RANBP2: variants seen among roughly 807,000 people sequenced by gnomAD.
RANBP2 encodes E3 SUMO-protein ligase RanBP2.
A neutral mutation model predicts 303.6 loss-of-function variants in RANBP2; 57 were observed. The ratio of observed to expected loss-of-function variants is 0.19; its 90% CI spans 0.15 to 0.23. RANBP2 has a LOEUF of 0.23. Among genes scored for constraint, RANBP2 ranks in the 10% least tolerant of loss-of-function variants. The probability of loss-of-function intolerance (pLI) is 1.00; values close to 1 mark genes in which losing one functional copy is unlikely to be tolerated. For missense variants in RANBP2, 3,138 were observed against 3,780.8 expected (o/e 0.83, Z 4.46); for synonymous variants, 1,167 against 1,301.5 (o/e 0.90, Z 2.23).
the RANBP2 span, among the ~76,000 whole-genome samples, chr2:109,744,009 T>C: frequency 9.9e-6 from 1 of 101,134 alleles, no homozygotes; most frequent in Non-Finnish European, 2.6e-5. Flanking sequence ...CCATGTATTC[T>C]TTATCAAATC....
the RANBP2 span, chr2:108,794,590 A>C: frequency 6.2e-7 from 1 of 1,613,992 alleles, no homozygotes; most frequent in African/African-American, 1.3e-5. Flanking sequence ...TGAGTGTTGT[A>C]GTGATGCAGG....
chr2:109,143,327 C>T, the RANBP2 span, among the ~76,000 whole-genome samples: 9 of 152,108 alleles, frequency 5.9e-5, no homozygotes, highest in Non-Finnish European at 8.8e-5. Context: ...TAAAAAATGC[C>T]TTAAGTTGAA....
the RANBP2 span, among the ~76,000 whole-genome samples, chr2:109,589,447 G>A: frequency 3.9e-5 from 6 of 152,050 alleles, no homozygotes; most frequent in East Asian, 1.9e-4. Flanking sequence ...CATGAGAACC[G>A]CTTGAACCTG....
intron 1 of RANBP2, among the ~76,000 whole-genome samples, chr2:108,721,321 C>G (rs968599733): frequency 6.6e-6 from 1 of 152,122 alleles, no homozygotes; most frequent in Non-Finnish European, 1.5e-5. Context: ...GGATAGATAT[C>G]TACTTGTACA....
chr2:109,006,116 A>T, the RANBP2 span, among the ~76,000 whole-genome samples: 2 of 152,050 alleles, frequency 1.3e-5, no homozygotes, highest in African/African-American at 4.8e-5. Flanking sequence ...GTTGCGGGGG[A>T]ACAATGTGAA....
rs1676009644 is a variant in RANBP2 at position 108,752,854 on chromosome 2, G to A, written c.1756-144G>A. 8 of 1,527,494 alleles carry A rather than the reference G, an allele frequency of 5.2e-6. No individual in the cohort carries two copies. The South Asian group carries it at 8.3e-5, about 16-fold the overall frequency. The allele number at this position is 1,527,494 out of a possible 1,614,324, so 94.6% of individuals were successfully genotyped here. A position where few individuals can be genotyped will look rare whatever the true frequency, so the allele number is the denominator to read the frequency against. On this transcript the variant is annotated intron_variant, in intron 12 of 28. Coordinates refer to ENST00000283195, the MANE Select transcript of RANBP2 (RefSeq NM_006267.5). ...GTGTTAAGGTGGTTTAGTTATTACA[G>A]TATTTGGAAGTTGAACAAATGACTA...
the RANBP2 span, among the ~76,000 whole-genome samples, chr2:109,283,753 G>A: frequency 2.6e-5 from 4 of 152,212 alleles, no homozygotes; most frequent in African/African-American, 4.8e-5. Flanking sequence ...GAGGTGCTAC[G>A]TGCTGGATTT....
the RANBP2 span, among the ~76,000 whole-genome samples, chr2:109,382,465 G>A: frequency 9.2e-5 from 14 of 152,122 alleles, no homozygotes; most frequent in Non-Finnish European, 2.1e-4. Flanking sequence ...GACGTGGTTG[G>A]CCTTTCCTCA....
the RANBP2 span, among the ~76,000 whole-genome samples, chr2:109,575,483 T>C: frequency 6.6e-6 from 1 of 152,198 alleles, no homozygotes; most frequent in East Asian, 1.9e-4. Flanking sequence ...AGGTAACTCC[T>C]CCCTGGAAAT....
the RANBP2 span, among the ~76,000 whole-genome samples, chr2:109,257,879 C>T: frequency 2.0e-5 from 3 of 152,144 alleles, no homozygotes; most frequent in African/African-American, 7.2e-5. Context: ...AGACAGAGCA[C>T]ACTGCTTCTC....
In RANBP2 at chr2:108,735,590, A is replaced by G; in HGVS notation, c.464A>G (p.Gln155Arg). Reference protein sequence around the residue: ...DGWNKLFDLIQSELYVRPDDV... With the variant: ...DGWNKLFDLIRSELYVRPDDV... The stretch of plus-strand genomic sequence containing the variant: ...TGGAATAAACTTTTTGACTTGATTC[A>G]GTCAGAACTTTATGTAAGACCTGAT... Residue 155 changes from glutamine (Q) to arginine (R), a missense_variant, in exon 5 of 29, where the codon CAG becomes CGG. Transcript: ENST00000283195. The G allele has an allele frequency of 6.3e-7, 1 of 1,597,606 alleles. No homozygotes were observed. The highest frequency in any genetic ancestry group is 8.5e-7 in the Non-Finnish European group (1 of 1,179,792).
chr2:109,335,797 CT>C, the RANBP2 span, among the ~76,000 whole-genome samples: 1 of 152,210 alleles, frequency 6.6e-6, no homozygotes, highest in African/African-American at 2.4e-5. Flanking sequence ...CCTAAAACCA[CT>C]TCCTACCTTA....
chr2:108,913,009 C>T, the RANBP2 span, among the ~76,000 whole-genome samples: 2 of 148,914 alleles, frequency 1.3e-5, no homozygotes, highest in African/African-American at 5.0e-5. Context: ...AGTGCAGTGG[C>T]GTGATCTCGG....
chr2:109,729,308 G>C, the RANBP2 span, among the ~76,000 whole-genome samples: 1 of 152,170 alleles, frequency 6.6e-6, no homozygotes, highest in Non-Finnish European at 1.5e-5. Context: ...ATGTTTTCAT[G>C]ACAAAACAAT....
the RANBP2 span, among the ~76,000 whole-genome samples, chr2:109,629,339 ATATATATATATATATAT>A: frequency 4.8e-3 from 47 of 9,724 alleles, 1 homozygote; most frequent in African/African-American, 0.016. Flanking sequence ...ATATATATAT[ATATATATATATATATAT>A]TTTTTTTTTT....
At chr2:109,612,324 G>A in the RANBP2 span, among the ~76,000 whole-genome samples, 5 of 152,328 alleles carry the variant, frequency 3.3e-5, no homozygotes, top group African/African-American at 1.2e-4. Context: ...GGAAAGAAGT[G>A]TGTGTGGTTA....
the RANBP2 span, among the ~76,000 whole-genome samples, chr2:109,403,190 A>G: frequency 6.6e-6 from 1 of 152,246 alleles, no homozygotes; most frequent in Non-Finnish European, 1.5e-5. Context: ...CCCGAGCACC[A>G]TGAAGCCTGG....
chr2:108,902,988 T>C, the RANBP2 span, among the ~76,000 whole-genome samples: 1 of 152,190 alleles, frequency 6.6e-6, no homozygotes, highest in Non-Finnish European at 1.5e-5. Context: ...TGATTATCTA[T>C]GTAGAAAATC....
At chr2:109,305,724 C>T in the RANBP2 span, among the ~76,000 whole-genome samples, 3 of 152,192 alleles carry the variant, frequency 2.0e-5, no homozygotes, top group African/African-American at 4.8e-5. Flanking sequence ...GGCTACAATG[C>T]GGGAGGACGC....
Sources: gnomAD v4.1 joint callset for allele counts (sites outside exome capture counted in the v4.1 genomes callset) on GRCh38, gnomAD v4.1.1 for gene constraint, MANE v1.5 for transcripts, NCBI Gene and HGNC (gene_info 2026-07-23, HGNC 2026-07-21) for gene names.